The following HIP1 variants were observed in gnomAD, a reference collection of about 807,000 sequenced individuals.
The protein encoded by HIP1 is huntingtin-interacting protein 1.
HIP1 carries 65 observed loss-of-function variants against 147.6 expected under a neutral mutation model. The observed-to-expected ratio is 0.44, with a 90% confidence interval of 0.36 to 0.54. HIP1 has a LOEUF of 0.54. Among genes scored for constraint, HIP1 ranks in the 20% least tolerant of loss-of-function variants. HIP1 has a pLI of 0.00. For synonymous variants in HIP1, 479 were observed against 504.0 expected, an observed-to-expected ratio of 0.95 and a Z score of 0.67; for missense variants, 1,061 against 1,299.6, an observed-to-expected ratio of 0.82 and a Z score of 2.82.
chr7:75,734,427 T>C (rs1465339317), intron 1 of HIP1, among the ~76,000 whole-genome samples: 3 of 151,816 alleles, frequency 2.0e-5, no homozygotes, highest in East Asian at 1.9e-4. Flanking sequence ...GACTGGACAA[T>C]AGAGCGAGAC....
chr7:75,605,531 TTTG>T lies in HIP1; in HGVS notation c.121-6287_121-6285del, dbSNP rs1226862870. Among the ~76,000 whole-genome samples, 31 of 152,048 alleles carry T rather than the reference TTTG, an allele frequency of 2.0e-4. No individual in the cohort carries two copies. In the East Asian group the frequency reaches 3.5e-3, roughly 17 times the overall value. On this transcript the variant is annotated intron_variant, in intron 1 of 30. Transcript: ENST00000336926. ...GTGAGAATTCAGGGAGGAAGCTATT[TTTG>T]TTGTTGTTGTTGTTTTGAGACGGAG...
At position 75,581,306 on chromosome 7, in the gene HIP1, C is replaced by A; in HGVS notation, c.543-8G>T. Reference sequence around the variant, plus strand: ...TCCACTGTTAACTGGAAACTGGACCCAAGAGGAAAGAGAGCTTACACTCCA... The same window carrying A: ...TCCACTGTTAACTGGAAACTGGACCAAAGAGGAAAGAGAGCTTACACTCCA... On this transcript the variant is annotated splice_region_variant and splice_polypyrimidine_tract_variant and intron_variant, in intron 6 of 30. Coordinates refer to ENST00000336926, the MANE Select transcript of HIP1 (RefSeq NM_005338.7). 1 of 1,609,654 alleles carries A rather than the reference C, an allele frequency of 6.2e-7. No individual in the cohort carries two copies. Among genetic ancestry groups the A allele is most frequent in the South Asian group, 1.1e-5 (1 of 90,320 alleles).
intron 1 of HIP1, among the ~76,000 whole-genome samples, chr7:75,702,248 T>G (rs540584819): frequency 1.3e-5 from 2 of 152,058 alleles, no homozygotes; most frequent in Non-Finnish European, 2.9e-5. Flanking sequence ...GTAGCTGGGA[T>G]TACAGACACG....
At position 75,586,435 on chromosome 7, in the gene HIP1, C is replaced by T. The variant is rs75756479; in HGVS notation, c.465+318G>A. On this transcript the variant is annotated intron_variant, in intron 5 of 30. Coordinates refer to ENST00000336926, the MANE Select transcript of HIP1 (RefSeq NM_005338.7). ...CAGGCCAGTCTTGAACCCCTGACCTCGGGTGATCCATCCGCCTGGGCCTCC... is the reference window on the plus strand; with the variant it reads ...CAGGCCAGTCTTGAACCCCTGACCTTGGGTGATCCATCCGCCTGGGCCTCC... Among the ~76,000 whole-genome samples, 27 of 152,186 alleles carry T rather than the reference C, an allele frequency of 1.8e-4. No individual in the cohort carries two copies. In the East Asian group the frequency reaches 4.3e-3, roughly 24 times the overall value.
At chr7:75,641,872 G>C (rs1798665428) in intron 1 of HIP1, among the ~76,000 whole-genome samples, 1 of 152,154 alleles carries the variant, frequency 6.6e-6, no homozygotes, top group African/African-American at 2.4e-5. Flanking sequence ...AAACTTCAAA[G>C]GCAGCCTTAA....
intron 1 of HIP1, among the ~76,000 whole-genome samples, chr7:75,704,026 C>T (rs1800917419): frequency 6.6e-6 from 1 of 152,092 alleles, no homozygotes. Flanking sequence ...GCATGGAAGC[C>T]CTGCCCTGGG....
intron 1 of HIP1, among the ~76,000 whole-genome samples, chr7:75,665,140 T>C (rs1320580781): frequency 3.3e-5 from 5 of 152,010 alleles, no homozygotes; most frequent in African/African-American, 9.7e-5. Flanking sequence ...TGCACACATA[T>C]AGTCCCAGCT....
chr7:75,610,203 CTT>C (rs35158879), intron 1 of HIP1, among the ~76,000 whole-genome samples: 16,239 of 132,934 alleles, frequency 0.12, 2,045 homozygotes, highest in African/African-American at 0.34. Context: ...TCATCCAGCC[CTT>C]TTTTTTTTTT....
Position 75,649,847 on chromosome 7 carries a change from A to G in HIP1, c.121-50600T>C, listed in dbSNP as rs115037887. Reference sequence around the variant, plus strand: ...ACCTGGAATTTTCCATCCCTTGGCCAAAAGTTCAGCATAGGCGGAGACCTC... The same window carrying G: ...ACCTGGAATTTTCCATCCCTTGGCCGAAAGTTCAGCATAGGCGGAGACCTC... On this transcript the variant is annotated intron_variant, in intron 1 of 30. Coordinates refer to ENST00000336926, the MANE Select transcript of HIP1 (RefSeq NM_005338.7). 7.3e-3 allele frequency among the ~76,000 whole-genome samples: 1,104 copies of G among 152,274 alleles called. 15 individuals carry two copies. Among genetic ancestry groups the G allele is most frequent in the African/African-American group, 0.025 (1,051 of 41,566 alleles).
chr7:75,598,425 T>C (rs1796840276), intron 2 of HIP1, among the ~76,000 whole-genome samples: 1 of 143,344 alleles, frequency 7.0e-6, no homozygotes, highest in Non-Finnish European at 1.6e-5. Flanking sequence ...AAACTCTCTT[T>C]TTCTTTTTTT....
chr7:75,697,641 A>C (rs1554518868), intron 1 of HIP1, among the ~76,000 whole-genome samples: 1 of 152,090 alleles, frequency 6.6e-6, no homozygotes, highest in Non-Finnish European at 1.5e-5. Flanking sequence ...AGTAAAACCC[A>C]TCTCTACTAA....
chr7:75,660,820 A>G (rs1563275967), intron 1 of HIP1, among the ~76,000 whole-genome samples: 1 of 151,736 alleles, frequency 6.6e-6, no homozygotes, highest in African/African-American at 2.4e-5. Context: ...GCAACAAAGA[A>G]CCCCCTTCAT....
intron 27 of HIP1, among the ~76,000 whole-genome samples, chr7:75,544,467 A>G (rs1195620716): frequency 1.3e-5 from 2 of 152,058 alleles, no homozygotes; most frequent in East Asian, 3.9e-4. Flanking sequence ...ATCCTTTAGT[A>G]TTCTCTAACC....
At chr7:75,731,838 T>C (rs944100158) in intron 1 of HIP1, among the ~76,000 whole-genome samples, 1 of 152,094 alleles carries the variant, frequency 6.6e-6, no homozygotes, top group Non-Finnish European at 1.5e-5. Context: ...ACGGTCACCA[T>C]CTTGATTGCA....
rs782125241 is a variant in HIP1 at position 75,586,819 on chromosome 7, C to A, written c.399G>T (p.Glu133Asp). The change falls in exon 5 of 31, where the codon GAG (glutamate) becomes GAT (aspartate). Residue 133 changes from glutamate to aspartate, a missense_variant. This residue lies in a region of HIP1 where 225 missense variants were observed against 292.9 expected (regional missense o/e 0.77). Coordinates refer to ENST00000336926, the MANE Select transcript of HIP1 (RefSeq NM_005338.7). ...DMSRMWGHLS[E>D]GYGQLCSIYL... ...AGATGCTGCACAGCTGGCCATACCC[C>A]TCGCTCAGGTGGCCCTTTTAGGAAG... 1 of 1,612,528 alleles carries A rather than the reference C, an allele frequency of 6.2e-7. No homozygotes were observed. Among genetic ancestry groups the A allele is most frequent in the Non-Finnish European group, 8.5e-7 (1 of 1,178,862 alleles).
In HIP1 at chr7:75,555,548, A is replaced by G; in HGVS notation, c.1831T>C (p.Ser611Pro). ...TQLKLASTEESMCQLAKDQRK... is the reference protein window; with the variant it reads ...TQLKLASTEEPMCQLAKDQRK... ...TGGTCTTTGGCAAGCTGGCACATAG[A>G]TTCCTAAAAATGGTCCAGGGAGGTG... Residue 611 changes from serine (S) to proline (P), a missense_variant, in exon 19 of 31, where the codon TCT (serine) becomes CCT (proline). Around this residue, in one of 3 missense-constraint regions of HIP1, gnomAD observed 810 missense variants for 946.8 expected, o/e 0.86. Coordinates refer to ENST00000336926, the MANE Select transcript of HIP1 (RefSeq NM_005338.7). 1.2e-6 allele frequency: 2 copies of G among 1,614,086 alleles called. No homozygotes were observed. The highest frequency in any genetic ancestry group is 1.7e-5 in the Admixed American group (1 of 60,012).
chr7:75,644,341 C>A (rs1440841972), intron 1 of HIP1, among the ~76,000 whole-genome samples: 1 of 152,178 alleles, frequency 6.6e-6, no homozygotes, highest in Non-Finnish European at 1.5e-5. Flanking sequence ...GTTGCCCAGG[C>A]TGGAGTGCAA....
chr7:75,575,227 G>A (rs1268407599), intron 7 of HIP1, among the ~76,000 whole-genome samples: 3 of 152,116 alleles, frequency 2.0e-5, no homozygotes, highest in East Asian at 3.9e-4. Flanking sequence ...TTGGGAGGCC[G>A]AGGCGGGTGG....
At position 75,718,289 on chromosome 7, in the gene HIP1, A is replaced by G. The variant is rs1234525810; in HGVS notation, c.120+20512T>C. On this transcript the variant is annotated intron_variant, in intron 1 of 30. Transcript: ENST00000336926. ...GGAGGGTCGCTTGAGCCCAAGAGTT[A>G]GAGGTTACAGTAAAGTATGATCATA... Among the ~76,000 whole-genome samples, 3 of 151,924 alleles carry G rather than the reference A, an allele frequency of 2.0e-5. No homozygotes were observed. In the East Asian group the frequency reaches 5.8e-4, roughly 29 times the overall value.
Sources: gnomAD v4.1 joint callset for allele counts (sites outside exome capture counted in the v4.1 genomes callset) on GRCh38, gnomAD v4.1.1 for gene constraint, gnomAD v4.1.1 regional missense constraint, MANE v1.5 for transcripts, NCBI Gene and HGNC (gene_info 2026-07-23, HGNC 2026-07-21) for gene names.